The following ARHGAP42 variants were observed in gnomAD, a reference collection of about 807,000 sequenced individuals.
ARHGAP42 encodes Rho GTPase activating protein 42.
ARHGAP42 carries 63 observed loss-of-function variants against 125.0 expected under a neutral mutation model. That is an observed-to-expected ratio of 0.50 (90% confidence interval 0.41 to 0.62). The LOEUF (loss-of-function observed/expected upper bound fraction) is 0.62. ARHGAP42 is among the 20% of genes least tolerant of loss of function. ARHGAP42 has a pLI of 0.00. For missense variants in ARHGAP42, 766 were observed against 1,024.2 expected (o/e 0.75, Z 3.44); for synonymous variants, 339 against 351.0 (o/e 0.97, Z 0.38).
At chr11:100,925,030 C>G (rs1145434) in intron 6 of ARHGAP42, among the ~76,000 whole-genome samples, 44,489 of 151,720 alleles carry the variant, frequency 0.29, 7,632 homozygotes, top group East Asian at 0.74. Flanking sequence ...CAGGGTTTCA[C>G]CATGTTGGCC....
chr11:100,880,540 AT>A (rs1473868795), intron 4 of ARHGAP42, among the ~76,000 whole-genome samples: 1 of 152,114 alleles, frequency 6.6e-6, no homozygotes, highest in African/African-American at 2.4e-5. Context: ...TGCAATTGCA[AT>A]TTGTGCTACT....
At position 100,987,530 on chromosome 11, in the gene ARHGAP42, A is replaced by C; in HGVS notation, c.2474A>C (p.Tyr825Ser). The change falls in exon 23 of 24, where the codon TAC becomes TCC. Residue 825 changes from tyrosine (Y) to serine (S), a missense_variant. Physicochemically the swap from Tyr to Ser is moderately radical, Grantham distance 144. Coordinates refer to ENST00000298815, the MANE Select transcript of ARHGAP42 (RefSeq NM_152432.4). ...VSSGRQAKAM[Y>S]SCKAEHSHEL... ...TCTTTCAGCCAAGCCAAAGCCATGT[A>C]CTCCTGTAAAGCAGAGCACAGTCAT... The C allele has an allele frequency of 6.4e-7, 1 of 1,551,818 alleles. No homozygotes were observed. The highest frequency in any genetic ancestry group is 8.7e-7 in the Non-Finnish European group (1 of 1,146,936).
intron 10 of ARHGAP42, 104 bp downstream of exon 10, chr11:100,943,972 T>C: frequency 1.3e-6 from 1 of 748,098 alleles, no homozygotes; most frequent in Non-Finnish European, 2.1e-6. Flanking sequence ...TTTTAGTCTT[T>C]TAAAAAACAG....
chr11:100,811,653 C>T (rs777049250), intron 3 of ARHGAP42, among the ~76,000 whole-genome samples: 2 of 151,988 alleles, frequency 1.3e-5, no homozygotes, highest in Admixed American at 6.6e-5. Context: ...GAGTGCACCA[C>T]CACGCCTGGT....
intron 1 of ARHGAP42, among the ~76,000 whole-genome samples, chr11:100,728,793 G>C (rs1246499456): frequency 7.2e-6 from 1 of 139,354 alleles, no homozygotes; most frequent in Admixed American, 7.4e-5. Flanking sequence ...TTTTGAGATG[G>C]AGTCTCACTC....
intron 12 of ARHGAP42, among the ~76,000 whole-genome samples, chr11:100,959,630 G>T (rs762556284): frequency 2.1e-4 from 32 of 152,202 alleles, no homozygotes; most frequent in Admixed American, 3.9e-4. Context: ...GCTATTTTTA[G>T]GAAAAGTGGA....
At chr11:100,711,052 C>G (rs1233413213) in intron 1 of ARHGAP42, among the ~76,000 whole-genome samples, 1 of 152,136 alleles carries the variant, frequency 6.6e-6, no homozygotes, top group African/African-American at 2.4e-5. Flanking sequence ...TTTTAGGTAA[C>G]TATTGAATAA....
At chr11:100,825,490 T>C (rs1479636872) in intron 3 of ARHGAP42, among the ~76,000 whole-genome samples, 1 of 152,238 alleles carries the variant, frequency 6.6e-6, no homozygotes, top group Non-Finnish European at 1.5e-5. Context: ...ACACGATTTT[T>C]ATTATACCAG....
chr11:100,726,914 G>T (rs1449317455), intron 1 of ARHGAP42, among the ~76,000 whole-genome samples: 1 of 152,234 alleles, frequency 6.6e-6, no homozygotes, highest in Non-Finnish European at 1.5e-5. Context: ...TTGAAGTCAT[G>T]ATTCCAACAG....
intron 2 of ARHGAP42, among the ~76,000 whole-genome samples, chr11:100,777,951 G>A (rs1361778647): frequency 6.6e-6 from 1 of 152,146 alleles, no homozygotes; most frequent in Non-Finnish European, 1.5e-5. Flanking sequence ...CAGAAGCCAT[G>A]GCGGGAGGAA....
intron 3 of ARHGAP42, among the ~76,000 whole-genome samples, chr11:100,845,977 G>T (rs905818700): frequency 6.6e-6 from 1 of 152,162 alleles, no homozygotes; most frequent in South Asian, 2.1e-4. Context: ...GCTAGGGATA[G>T]GTTATTTTGC....
intron 10 of ARHGAP42, among the ~76,000 whole-genome samples, chr11:100,947,557 T>C (rs1323336787): frequency 6.6e-6 from 1 of 151,984 alleles, no homozygotes; most frequent in Non-Finnish European, 1.5e-5. Flanking sequence ...GCCTGTCACA[T>C]AGTAAATATC....
At chr11:100,808,776 A>G (rs1330710886) in intron 3 of ARHGAP42, among the ~76,000 whole-genome samples, 1 of 152,216 alleles carries the variant, frequency 6.6e-6, no homozygotes, top group Non-Finnish European at 1.5e-5. Context: ...TCCCAATGTA[A>G]TACCTCATAA....
Position 100,991,732 on chromosome 11 carries a change from A to C in ARHGAP42, c.*2931A>C, listed in dbSNP as rs1858835643. ...CCTGTAACATTCACGAAGTATGAGG[A>C]AGTGGGTTTCTCCTTGTTTGATGTG... On this transcript the variant is annotated 3_prime_UTR_variant, in exon 24 of 24. Transcript: ENST00000298815. The C allele has an allele frequency of 6.6e-6, 1 of 152,364 alleles. No individual in the cohort carries two copies. Among genetic ancestry groups the C allele is most frequent in the South Asian group, 2.1e-4 (1 of 4,838 alleles). The allele number at this position is 152,364 out of a possible 1,614,324, so 9.4% of individuals were successfully genotyped here. A position where few individuals can be genotyped will look rare whatever the true frequency, so the allele number is the denominator to read the frequency against.
At chr11:100,825,174 A>G (rs1361200125) in intron 3 of ARHGAP42, among the ~76,000 whole-genome samples, 1 of 152,200 alleles carries the variant, frequency 6.6e-6, no homozygotes, top group East Asian at 1.9e-4. Context: ...ACTGGCATAG[A>G]CTACCCATTC....
Position 100,826,258 on chromosome 11 carries a change from A to G in ARHGAP42, c.312+31092A>G, listed in dbSNP as rs566690738. ...CTATAATTTCCTTTTGGGGAAACACATGAATGAGATGGCTATTGAACGTAT... is the reference window on the plus strand; with the variant it reads ...CTATAATTTCCTTTTGGGGAAACACGTGAATGAGATGGCTATTGAACGTAT... On this transcript the variant is annotated intron_variant, in intron 3 of 23. Coordinates refer to ENST00000298815, the MANE Select transcript of ARHGAP42 (RefSeq NM_152432.4). Among the ~76,000 whole-genome samples the G allele has an allele frequency of 1.2e-4, 18 of 152,276 alleles. No homozygotes were observed. In the East Asian group the frequency reaches 3.5e-3, roughly 29 times the overall value.
chr11:100,936,076 T>G, intron 7 of ARHGAP42, 127 bp from the exon 8 acceptor site: 1 of 1,184,078 alleles, frequency 8.4e-7, no homozygotes, highest in Non-Finnish European at 1.2e-6. Flanking sequence ...TGAGCCATAA[T>G]TGCACCTGGT....
At position 100,721,684 on chromosome 11, in the gene ARHGAP42, G is replaced by C. The variant is rs1371031312; in HGVS notation, c.154+33852G>C. 5.3e-5 allele frequency among the ~76,000 whole-genome samples: 8 copies of C among 152,066 alleles called. No individual in the cohort carries two copies. The East Asian group carries it at 1.4e-3, about 26-fold the overall frequency. On this transcript the variant is annotated intron_variant, in intron 1 of 23. Transcript: ENST00000298815. ...GGACAAGGTTTCACCATGTAGGTCA[G>C]GGTGGTCTCGAGCTCCTGACCTCAG...
intron 12 of ARHGAP42, among the ~76,000 whole-genome samples, chr11:100,957,520 C>T (rs928918744): frequency 2.6e-5 from 4 of 152,086 alleles, no homozygotes; most frequent in Admixed American, 6.6e-5. Flanking sequence ...GTTTTCCTGG[C>T]TTTAAACAAA....
Sources: allele counts gnomAD v4.1 joint callset (sites outside exome capture counted in the v4.1 genomes callset), GRCh38; gene constraint gnomAD v4.1.1; transcripts MANE v1.5; gene names NCBI Gene and HGNC (gene_info 2026-07-23, HGNC 2026-07-21).